The following PTPRM variants were observed in gnomAD, a reference collection of about 807,000 sequenced individuals.
PTPRM encodes protein tyrosine phosphatase receptor type M.
Under a neutral mutation model 186.7 loss-of-function variants are expected in PTPRM, and 47 were observed. The ratio of observed to expected loss-of-function variants is 0.25; its 90% confidence interval spans 0.20 to 0.32. PTPRM has a LOEUF of 0.32. Among genes scored for constraint, PTPRM ranks in the 10% least tolerant of loss-of-function variants. The probability of loss-of-function intolerance (pLI) is 1.00; values close to 1 mark genes in which losing one functional copy is unlikely to be tolerated. For synonymous variants in PTPRM, 668 were observed against 674.9 expected (o/e 0.99, Z 0.16); for missense variants, 1,494 against 1,865.0 (o/e 0.80, Z 3.66).
chr18:7,772,361 T>TTCTTTCTTTCTTTCTTTCTTTCTTTC (rs2042334705), intron 1 of PTPRM, among the ~76,000 whole-genome samples: 2 of 48,968 alleles, frequency 4.1e-5, no homozygotes, highest in African/African-American at 5.5e-5. Flanking sequence ...CTTTCTTTCT[T>TTCTTTCTTTCTTTCTTTCTTTCTTTC]TCTTTCTTTC....
intron 7 of PTPRM, among the ~76,000 whole-genome samples, chr18:8,021,618 T>C (rs2085242625): frequency 6.6e-6 from 1 of 152,118 alleles, no homozygotes; most frequent in South Asian, 2.1e-4. Flanking sequence ...GAACATGCTG[T>C]GTTTGGTTTT....
chr18:8,046,590 G>A (rs2087075621), intron 7 of PTPRM, among the ~76,000 whole-genome samples: 1 of 152,196 alleles, frequency 6.6e-6, no homozygotes, highest in African/African-American at 2.4e-5. Context: ...CCCTATCCCA[G>A]CCCCTCCCCA....
chr18:8,033,953 T>C (rs747588966), intron 7 of PTPRM, among the ~76,000 whole-genome samples: 9 of 152,178 alleles, frequency 5.9e-5, no homozygotes, highest in Non-Finnish European at 8.8e-5. Context: ...CTGGTGGTTC[T>C]TGCCACGTGC....
chr18:7,688,199 A>C (rs4127386), intron 1 of PTPRM, among the ~76,000 whole-genome samples: 8,738 of 152,210 alleles, frequency 0.057, 835 homozygotes, highest in African/African-American at 0.2. Flanking sequence ...CCAGCCCGGT[A>C]GCACTTTTGA....
chr18:7,619,626 T>C (rs2037888931), intron 1 of PTPRM, among the ~76,000 whole-genome samples: 1 of 152,236 alleles, frequency 6.6e-6, no homozygotes. Context: ...AGTTTGTCTG[T>C]TGAAGCTTCT....
At chr18:8,080,029 AG>A (rs1417481385) in intron 9 of PTPRM, among the ~76,000 whole-genome samples, 1 of 152,232 alleles carries the variant, frequency 6.6e-6, no homozygotes, top group African/African-American at 2.4e-5. Flanking sequence ...GTACCTACCC[AG>A]CCTTACTAAT....
In PTPRM at chr18:7,568,744, G is replaced by A. The variant is rs2036498490; in HGVS notation, c.73+853G>A. Among the ~76,000 whole-genome samples, 1 of 152,166 alleles carries A rather than the reference G, an allele frequency of 6.6e-6. No individual in the cohort carries two copies. The highest frequency in any genetic ancestry group is 1.5e-5 in the Non-Finnish European group (1 of 68,006). On this transcript the variant is annotated intron_variant, in intron 1 of 32. Coordinates refer to ENST00000580170, the MANE Select transcript of PTPRM (RefSeq NM_001105244.2). The surrounding 1 kb of genome is among the most constrained non-coding windows in gnomAD (Gnocchi z 5.1). Reference sequence around the variant, plus strand: ...TGCGCGTGTGTGCCTGCACGCGCGCGCGGGGGCGTTCTAAGCCCAGAGGAA... The same window carrying A: ...TGCGCGTGTGTGCCTGCACGCGCGCACGGGGGCGTTCTAAGCCCAGAGGAA...
intron 7 of PTPRM, among the ~76,000 whole-genome samples, chr18:8,041,240 G>T (rs543566588): frequency 1.3e-5 from 2 of 152,326 alleles, no homozygotes; most frequent in East Asian, 3.9e-4. Flanking sequence ...TTTACCAGGT[G>T]AAATTCATGG....
intron 4 of PTPRM, among the ~76,000 whole-genome samples, chr18:7,917,408 C>T (rs995916251): frequency 3.9e-5 from 6 of 152,052 alleles, no homozygotes; most frequent in African/African-American, 1.2e-4. Context: ...TGGTGGCAGG[C>T]GCCTGTAGTC....
At position 8,136,518 on chromosome 18, in the gene PTPRM, ATTATCTCAGTC is replaced by A. The variant is rs561141971; in HGVS notation, c.2168-7124_2168-7114del. Among the ~76,000 whole-genome samples the A allele has an allele frequency of 4.8e-3, 730 of 152,330 alleles. 7 individuals carry two copies. Among genetic ancestry groups the A allele is most frequent in the African/African-American group, 0.016 (685 of 41,572 alleles). On this transcript the variant is annotated intron_variant, in intron 13 of 32. Coordinates refer to ENST00000580170, the MANE Select transcript of PTPRM (RefSeq NM_001105244.2). ...AGAGAAGATATATATCAAACAATCC[ATTATCTCAGTC>A]TTATATGAAAAATTATGTTTCTGAT...
At chr18:7,744,827 C>T (rs574121189) in intron 1 of PTPRM, among the ~76,000 whole-genome samples, 48 of 152,150 alleles carry the variant, frequency 3.2e-4, no homozygotes, top group African/African-American at 1.1e-3. Context: ...TATATTTTCT[C>T]ATAAGAAAAA....
At chr18:7,716,610 T>A (rs1372467510) in intron 1 of PTPRM, among the ~76,000 whole-genome samples, 3 of 152,176 alleles carry the variant, frequency 2.0e-5, no homozygotes, top group African/African-American at 4.8e-5. Flanking sequence ...ATATCTAGAA[T>A]CTGCAAAGTA....
At chr18:8,230,292 G>C (rs994882659) in intron 14 of PTPRM, among the ~76,000 whole-genome samples, 4 of 152,208 alleles carry the variant, frequency 2.6e-5, no homozygotes, top group Admixed American at 2.0e-4. Context: ...GGTAGTGTGT[G>C]CCATAGTTTG....
At chr18:8,296,884 G>T (rs975448718) in intron 20 of PTPRM, among the ~76,000 whole-genome samples, 6 of 152,130 alleles carry the variant, frequency 3.9e-5, no homozygotes, top group Admixed American at 1.3e-4. Flanking sequence ...GTCAGTAATA[G>T]CCCCATTTTA....
At chr18:7,991,983 G>A (rs913065559) in intron 7 of PTPRM, among the ~76,000 whole-genome samples, 2 of 151,924 alleles carry the variant, frequency 1.3e-5, no homozygotes, top group Non-Finnish European at 2.9e-5. Context: ...TTAAACCATC[G>A]ACCAGCCTCC....
intron 1 of PTPRM, among the ~76,000 whole-genome samples, chr18:7,666,517 G>A (rs955776609): frequency 9.9e-5 from 15 of 152,132 alleles, no homozygotes; most frequent in South Asian, 2.1e-4. Flanking sequence ...AGACACCAGC[G>A]TCTGACGAGT....
Position 7,964,450 on chromosome 18 carries a change from G to A in PTPRM, c.1132+9036G>A, listed in dbSNP as rs544027984. On this transcript the variant is annotated intron_variant, in intron 7 of 32. Transcript: ENST00000580170. ...TCCTTCTGGTCAGTGTTTTTTTGTT[G>A]TTGTTGTTGTTTGTTTGTTTGTTTT... 3.3e-5 allele frequency among the ~76,000 whole-genome samples: 5 copies of A among 152,114 alleles called. No individual in the cohort carries two copies. The East Asian group carries it at 9.7e-4, about 29-fold the overall frequency.
rs536093027 is a variant in PTPRM at position 7,853,289 on chromosome 18, T to C, written c.197-34817T>C. 2.6e-5 allele frequency among the ~76,000 whole-genome samples: 4 copies of C among 152,354 alleles called. No individual in the cohort carries two copies. In the East Asian group the frequency reaches 7.7e-4, roughly 29 times the overall value. On this transcript the variant is annotated intron_variant, in intron 2 of 32. Transcript: ENST00000580170. ...AGGTTGGTGTTTTCTGTTATCCTTA[T>C]GTGAGTTACTTAGTTGAGGAAGTGT...
At chr18:8,349,668 C>G (rs1206092268) in intron 23 of PTPRM, among the ~76,000 whole-genome samples, 1 of 152,194 alleles carries the variant, frequency 6.6e-6, no homozygotes, top group Non-Finnish European at 1.5e-5. Flanking sequence ...ACCTTAGAAA[C>G]TAAGCTTGTC....
Sources: gnomAD v4.1 joint callset for allele counts (sites outside exome capture counted in the v4.1 genomes callset) on GRCh38, gnomAD v4.1.1 for gene constraint, Gnocchi (gnomAD v3.1) non-coding constraint, MANE v1.5 for transcripts, NCBI Gene and HGNC (gene_info 2026-07-23, HGNC 2026-07-21) for gene names.